The following WWOX variants were observed in gnomAD, a reference collection of about 807,000 sequenced individuals.
The protein encoded by WWOX is WW domain-containing oxidoreductase.
In WWOX, 69 loss-of-function variants were observed where a neutral mutation model predicts 46.2. That is an observed-to-expected ratio of 1.49 (90% CI 1.23 to 1.82). WWOX has a LOEUF of 1.82. WWOX is among the 40% of genes most tolerant of loss of function. The probability of loss-of-function intolerance (pLI) is 0.00; values close to 1 mark genes in which losing one functional copy is unlikely to be tolerated. For synonymous variants in WWOX, 359 were observed against 202.6 expected, an observed-to-expected ratio of 1.77 and a Z score of -6.56; for missense variants, 919 against 542.6, an observed-to-expected ratio of 1.69 and a Z score of -6.89.
intron 8 of WWOX, among the ~76,000 whole-genome samples, chr16:78,939,108 C>T (rs985497209): frequency 6.6e-6 from 1 of 152,196 alleles, no homozygotes; most frequent in Non-Finnish European, 1.5e-5. Flanking sequence ...AGTGGCCCCG[C>T]TGGATTTTCT....
chr16:78,555,807 C>G lies in WWOX; in HGVS notation c.1056+123055C>G, dbSNP rs561528731. On this transcript the variant is annotated intron_variant, in intron 8 of 8. Transcript: ENST00000566780. The stretch of plus-strand genomic sequence containing the variant: ...TTTGCCCACAAATGCCAGAGGAGGA[C>G]TCTTCTGAGCCATGCCAATAAGAAA... Among the ~76,000 whole-genome samples the G allele has an allele frequency of 2.0e-5, 3 of 152,216 alleles. No homozygotes were observed. In the South Asian group the frequency reaches 6.3e-4, roughly 32 times the overall value.
chr16:78,995,779 T>C (rs1474878610), intron 8 of WWOX, among the ~76,000 whole-genome samples: 2 of 152,176 alleles, frequency 1.3e-5, no homozygotes, highest in Non-Finnish European at 2.9e-5. Flanking sequence ...TTACTGTCTT[T>C]TATATGCAAA....
chr16:78,341,691 G>C (rs1597064704), intron 5 of WWOX, among the ~76,000 whole-genome samples: 1 of 120,292 alleles, frequency 8.3e-6, no homozygotes, highest in South Asian at 2.5e-4. Context: ...GAGCACACAG[G>C]TGAGACATAG....
At chr16:78,470,945 G>A (rs1366769427) in intron 8 of WWOX, among the ~76,000 whole-genome samples, 1 of 152,192 alleles carries the variant, frequency 6.6e-6, no homozygotes, top group Non-Finnish European at 1.5e-5. Context: ...ACTGAGGATG[G>A]CTGTATGACA....
At chr16:78,943,576 G>T (rs192673116) in intron 8 of WWOX, among the ~76,000 whole-genome samples, 3 of 152,182 alleles carry the variant, frequency 2.0e-5, no homozygotes, top group Non-Finnish European at 4.4e-5. Context: ...CCATTGATCA[G>T]TCCTGGGAAA....
rs539456079 is a variant in WWOX, at chr16:78,351,484, G to A, written c.517-35376G>A. Among the ~76,000 whole-genome samples the A allele has an allele frequency of 3.4e-4, 52 of 152,292 alleles. No homozygotes were observed. In the East Asian group the frequency reaches 6.2e-3, roughly 18 times the overall value. ...GGATATCATATACGCTTTAGGTGGGGCAGAGGGGTGGTCTGCCCCTGTGCA... is the reference window on the plus strand; with the variant it reads ...GGATATCATATACGCTTTAGGTGGGACAGAGGGGTGGTCTGCCCCTGTGCA... On this transcript the variant is annotated intron_variant, in intron 5 of 8. Transcript: ENST00000566780.
intron 1 of WWOX, among the ~76,000 whole-genome samples, chr16:78,100,555 G>T (rs188918469): frequency 6.6e-6 from 1 of 152,214 alleles, no homozygotes; most frequent in African/African-American, 2.4e-5. Context: ...CTAGCCAGGA[G>T]TATTTTTTAG....
chr16:78,730,110 G>A (rs1264079996), intron 8 of WWOX, among the ~76,000 whole-genome samples: 1 of 152,044 alleles, frequency 6.6e-6, no homozygotes, highest in Non-Finnish European at 1.5e-5. Context: ...TGCTATAAAC[G>A]CTTAAGGATT....
intron 8 of WWOX, among the ~76,000 whole-genome samples, chr16:78,736,144 G>T (rs762473011): frequency 6.6e-6 from 1 of 152,214 alleles, no homozygotes; most frequent in Non-Finnish European, 1.5e-5. Context: ...GGAGACAGAA[G>T]TGAAGAGAAG....
At chr16:79,070,735 C>G (rs921045996) in intron 8 of WWOX, among the ~76,000 whole-genome samples, 1 of 152,156 alleles carries the variant, frequency 6.6e-6, no homozygotes, top group East Asian at 1.9e-4. Flanking sequence ...GTGGATAATT[C>G]AAATGAATCA....
At chr16:78,361,620 C>CTT (rs2081411678) in intron 5 of WWOX, among the ~76,000 whole-genome samples, 2 of 151,886 alleles carry the variant, frequency 1.3e-5, no homozygotes, top group African/African-American at 4.8e-5. Flanking sequence ...CTTTTCTTTT[C>CTT]TTTTTGTTGA....
At chr16:78,485,547 TACTA>T (rs2084612452) in intron 8 of WWOX, among the ~76,000 whole-genome samples, 1 of 152,198 alleles carries the variant, frequency 6.6e-6, no homozygotes, top group African/African-American at 2.4e-5. Flanking sequence ...TTCCACAACA[TACTA>T]AATTAATGTA....
chr16:78,415,921 C>T (rs913533330), intron 6 of WWOX, among the ~76,000 whole-genome samples: 5 of 152,190 alleles, frequency 3.3e-5, no homozygotes, highest in African/African-American at 1.2e-4. Context: ...ATAGCATCCC[C>T]ACAGTCAGCA....
intron 8 of WWOX, among the ~76,000 whole-genome samples, chr16:78,803,042 T>A: frequency 6.7e-6 from 1 of 149,930 alleles, no homozygotes; most frequent in Non-Finnish European, 1.5e-5. Context: ...CTGTGGCCAG[T>A]AGGTGCAAGA....
At chr16:79,176,994 T>G (rs1262207092) in intron 8 of WWOX, among the ~76,000 whole-genome samples, 1 of 152,178 alleles carries the variant, frequency 6.6e-6, no homozygotes, top group Non-Finnish European at 1.5e-5. Flanking sequence ...AGATGTATAA[T>G]AAAATCTTTT....
At chr16:78,878,006 C>G (rs1419677986) in intron 8 of WWOX, among the ~76,000 whole-genome samples, 2 of 152,196 alleles carry the variant, frequency 1.3e-5, no homozygotes, top group African/African-American at 2.4e-5. Context: ...TTTATAGGCT[C>G]TAGCAGGTCC....
intron 8 of WWOX, among the ~76,000 whole-genome samples, chr16:78,693,754 C>G (rs2048040258): frequency 6.6e-6 from 1 of 152,262 alleles, no homozygotes; most frequent in Admixed American, 6.5e-5. Flanking sequence ...CTATGCAGCT[C>G]TAAACATGCG....
intron 5 of WWOX, among the ~76,000 whole-genome samples, chr16:78,248,553 C>T (rs189534880): frequency 3.9e-5 from 6 of 152,132 alleles, no homozygotes; most frequent in East Asian, 1.9e-4. Context: ...CTGCACAATA[C>T]GGTGAAAACT....
At chr16:79,127,070 ATATT>A (rs2049773985) in intron 8 of WWOX, among the ~76,000 whole-genome samples, 1 of 152,110 alleles carries the variant, frequency 6.6e-6, no homozygotes, top group Non-Finnish European at 1.5e-5. Context: ...TACACATAAA[ATATT>A]TATTTTTGAA....
Sources: allele counts gnomAD v4.1 joint callset (sites outside exome capture counted in the v4.1 genomes callset), GRCh38; gene constraint gnomAD v4.1.1; transcripts MANE v1.5; gene names NCBI Gene and HGNC (gene_info 2026-07-23, HGNC 2026-07-21).